SIDT1: variants seen among roughly 807,000 people sequenced by gnomAD.
SIDT1 encodes the protein SID1 transmembrane family, member 1.
In SIDT1, 101 loss-of-function variants were observed where a neutral mutation model predicts 107.5. The observed-to-expected ratio is 0.94, with a 90% CI of 0.80 to 1.11. The LOEUF is 1.11. Among genes scored for constraint, SIDT1 ranks in the 50% least tolerant of loss-of-function variants. The pLI, the probability that SIDT1 is intolerant of heterozygous loss-of-function variation, is 0.00. For missense variants in SIDT1, 1,076 were observed against 1,058.2 expected (o/e 1.02, Z -0.23); for synonymous variants, 395 against 398.2 (o/e 0.99, Z 0.10).
chr3:113,581,770 G>A (rs1305986902), intron 6 of SIDT1: 3 of 261,652 alleles, frequency 1.1e-5, no homozygotes, highest in Non-Finnish European at 2.2e-5. Context: ...CTACTCAGGA[G>A]GCTGAGGCAG....
At chr3:113,592,942 GA>G (rs1270272921) in intron 9 of SIDT1, 62 bp from the exon 10 acceptor site, 5 of 1,288,764 alleles carry the variant, frequency 3.9e-6, no homozygotes, top group Non-Finnish European at 5.7e-6. Flanking sequence ...AATCTATAAG[GA>G]ACAAATGTAA....
chr3:113,583,111 A>G (rs890737329), intron 6 of SIDT1, among the ~76,000 whole-genome samples: 5 of 152,260 alleles, frequency 3.3e-5, no homozygotes, highest in African/African-American at 1.2e-4. Context: ...AACATAGGCT[A>G]TTCACATATT....
chr3:113,551,988 C>A (rs1940301775), intron 1 of SIDT1, among the ~76,000 whole-genome samples: 1 of 152,072 alleles, frequency 6.6e-6, no homozygotes. Flanking sequence ...ATTTCTGGGT[C>A]CCCACTAAGC....
At position 113,582,851 on chromosome 3, in the gene SIDT1, T is replaced by G. The variant is rs187059472; in HGVS notation, c.748-558T>G. Reference sequence around the variant, plus strand: ...TAACACCAGAAGTTTGGGGATGATTTTTTTTTAAGTCTGGGTTATAGAACT... The same window carrying G: ...TAACACCAGAAGTTTGGGGATGATTGTTTTTTAAGTCTGGGTTATAGAACT... On this transcript the variant is annotated intron_variant, in intron 6 of 24. Transcript: ENST00000264852. Among the ~76,000 whole-genome samples the G allele has an allele frequency of 2.3e-3, 347 of 152,342 alleles. 1 individual carries two copies. Among genetic ancestry groups the G allele is most frequent in the African/African-American group, 7.8e-3 (326 of 41,582 alleles).
At chr3:113,620,636 A>G (rs753000581) in intron 21 of SIDT1, among the ~76,000 whole-genome samples, 1 of 152,142 alleles carries the variant, frequency 6.6e-6, no homozygotes, top group Non-Finnish European at 1.5e-5. Flanking sequence ...GAAGCTTCCC[A>G]TGTTGTCACC....
chr3:113,599,184 A>G (rs769850083), intron 10 of SIDT1, among the ~76,000 whole-genome samples: 1 of 152,222 alleles, frequency 6.6e-6, no homozygotes, highest in Non-Finnish European at 1.5e-5. Context: ...AATGTGAAAG[A>G]TACTGAGGGG....
At chr3:113,580,919 C>T (rs1305485307) in intron 5 of SIDT1, among the ~76,000 whole-genome samples, 1 of 152,062 alleles carries the variant, frequency 6.6e-6, no homozygotes, top group Non-Finnish European at 1.5e-5. Context: ...AACTCTTCAC[C>T]AAAATCAACA....
chr3:113,608,071 T>A (rs1273990142), intron 15 of SIDT1, 23 bp from the exon 16 acceptor site: 1 of 1,553,654 alleles, frequency 6.4e-7, no homozygotes, highest in Non-Finnish European at 8.7e-7. Flanking sequence ...GACTCTCTCA[T>A]GGTCTCTCAC....
intron 3 of SIDT1, among the ~76,000 whole-genome samples, chr3:113,574,827 T>C (rs1407057193): frequency 6.6e-6 from 1 of 152,206 alleles, no homozygotes; most frequent in East Asian, 1.9e-4. Flanking sequence ...TGTGTTTAAT[T>C]TTTAAAACAA....
intron 1 of SIDT1, among the ~76,000 whole-genome samples, chr3:113,556,974 C>T (rs528042312): frequency 8.2e-4 from 123 of 150,722 alleles, no homozygotes; most frequent in Admixed American, 2.6e-3. Context: ...TGCCCACCAC[C>T]ACGCCCAGCT....
chr3:113,541,905 G>A (rs1304115121), intron 1 of SIDT1, among the ~76,000 whole-genome samples: 3 of 148,378 alleles, frequency 2.0e-5, no homozygotes, highest in African/African-American at 7.5e-5. Flanking sequence ...TATCTAGTAG[G>A]TCAATTTTTC....
intron 21 of SIDT1, among the ~76,000 whole-genome samples, chr3:113,621,853 T>C (rs10804510): frequency 6.6e-6 from 1 of 151,970 alleles, no homozygotes; most frequent in African/African-American, 2.4e-5. Context: ...AGTGATGTAA[T>C]TGTTTCACAC....
At chr3:113,627,539 G>T in intron 24 of SIDT1, 107 bp from the exon 25 acceptor site, 9 of 991,156 alleles carry the variant, frequency 9.1e-6, no homozygotes, top group South Asian at 8.3e-5. Flanking sequence ...GCATGAGAAT[G>T]AGAGGGAACT....
At chr3:113,608,773 G>A (rs1945527646) in intron 17 of SIDT1, among the ~76,000 whole-genome samples, 6 of 152,204 alleles carry the variant, frequency 3.9e-5, no homozygotes. Flanking sequence ...TCCAGATGTA[G>A]AAAGGGCTTG....
In SIDT1 at chr3:113,556,821, C is replaced by CTTT. The variant is rs61672960; in HGVS notation, c.223-9585_223-9583dup. Among the ~76,000 whole-genome samples, 5 of 107,660 alleles carry CTTT rather than the reference C, an allele frequency of 4.6e-5. No homozygotes were observed. The South Asian group carries it at 9.0e-4, about 19-fold the overall frequency. The allele number at this position is 107,660 out of a possible 152,430, so 70.6% of individuals were successfully genotyped here. A position where few individuals can be genotyped will look rare whatever the true frequency, so the allele number is the denominator to read the frequency against. On this transcript the variant is annotated intron_variant, in intron 1 of 24. Transcript: ENST00000264852. ...ATTGGTATGCCCTAAGTTTCTTTTT[C>CTTT]TTTTTTTTTTTTTTTTGAAATAGAG...
At chr3:113,560,598 G>GA (rs1941339699) in intron 1 of SIDT1, among the ~76,000 whole-genome samples, 1 of 151,970 alleles carries the variant, frequency 6.6e-6, no homozygotes, top group South Asian at 2.1e-4. Flanking sequence ...TTAAACATTT[G>GA]AAAAAAGGAC....
rs572003996 is a variant in SIDT1 at position 113,567,250 on chromosome 3, T to C, written c.345-290T>C. 4.8e-4 allele frequency among the ~76,000 whole-genome samples: 73 copies of C among 152,338 alleles called. 1 individual carries two copies. The highest frequency in any genetic ancestry group is 1.7e-3 in the African/African-American group (71 of 41,566). On this transcript the variant is annotated intron_variant, in intron 2 of 24. Coordinates refer to ENST00000264852, the MANE Select transcript of SIDT1 (RefSeq NM_017699.3). ...ATGACAGTTTCCCCATCAAATTGGA[T>C]ATTTATTCCTCATTGAATTAGGAGA...
In SIDT1 at chr3:113,608,441, T is replaced by G; in HGVS notation, c.1625T>G (p.Phe542Cys). The part of the protein sequence containing the change: ...FAVEYGIPKH[F>C]GLFYAMGIAL... ...CAGGAGTACGGGATTCCCAAACACT[T>G]TGGTCTCTTCTACGCTATGGGCATT... Residue 542 changes from phenylalanine (F) to cysteine (C), a missense_variant, in exon 17 of 25, where the codon TTT (phenylalanine) becomes TGT (cysteine). Coordinates refer to ENST00000264852, the MANE Select transcript of SIDT1 (RefSeq NM_017699.3). 1 of 1,613,782 alleles carries G rather than the reference T, an allele frequency of 6.2e-7. No homozygotes were observed. The highest frequency in any genetic ancestry group is 8.5e-7 in the Non-Finnish European group (1 of 1,179,640).
At chr3:113,636,273 C>A in the SIDT1 span, among the ~76,000 whole-genome samples, 1 of 151,912 alleles carries the variant, frequency 6.6e-6, no homozygotes, top group Admixed American at 6.5e-5. Flanking sequence ...TGTGATGGTG[C>A]GTGCCTGTAA....
Sources: gnomAD v4.1 joint callset for allele counts (sites outside exome capture counted in the v4.1 genomes callset) on GRCh38, gnomAD v4.1.1 for gene constraint, MANE v1.5 for transcripts, NCBI Gene and HGNC (gene_info 2026-07-23, HGNC 2026-07-21) for gene names.